Variants in ZNF883 observed in about 807,000 individuals in gnomAD.
The protein encoded by ZNF883 is zinc finger protein 883.
chr9:113,003,137 C>T (rs1487826060), upstream of ZNF883, among the ~76,000 whole-genome samples: 3 of 152,198 alleles, frequency 2.0e-5, no homozygotes, highest in East Asian at 1.9e-4. Context: ...ATTGTCCCCA[C>T]ACGTCAAGGA....
chr9:112,990,477 G>C (rs1398906878), intron 1 of ZNF883, among the ~76,000 whole-genome samples: 1 of 152,160 alleles, frequency 6.6e-6, no homozygotes, highest in Non-Finnish European at 1.5e-5. Context: ...TTTGATATTA[G>C]TGGATAAGCA....
At chr9:112,996,788 C>G (rs1292198801), downstream of ZNF883, among the ~76,000 whole-genome samples, 2 of 36,288 alleles carry the variant, frequency 5.5e-5, no homozygotes, top group Non-Finnish European at 8.9e-5. Context: ...GAGACTCCGT[C>G]TCAAAAAAAA....
intron 1 of ZNF883, among the ~76,000 whole-genome samples, chr9:112,991,785 T>A (rs1281427216): frequency 6.6e-6 from 1 of 152,214 alleles, no homozygotes; most frequent in Admixed American, 6.5e-5. Context: ...GCATATATAT[T>A]TAGAATAGTT....
chr9:112,992,009 A>G (rs1166215992), intron 1 of ZNF883, among the ~76,000 whole-genome samples: 2 of 152,210 alleles, frequency 1.3e-5, no homozygotes, highest in Non-Finnish European at 2.9e-5. Context: ...AATACAACAC[A>G]CTGATAGGTC....
chr9:112,995,718 G>GT (rs1201441434), downstream of ZNF883, among the ~76,000 whole-genome samples: 1 of 151,872 alleles, frequency 6.6e-6, no homozygotes, highest in Non-Finnish European at 1.5e-5. Context: ...ATAGGTTTTT[G>GT]TTTATTAATG....
In ZNF883 at chr9:113,008,053, C is replaced by A. The variant is rs1828496105; in HGVS notation, n.165+3088G>T. On this transcript the variant is annotated intron_variant and non_coding_transcript_variant, in intron 2 of 4. Transcript: ENST00000638622. Reference sequence around the variant, plus strand: ...AAAGGGCAATGAGCCATTCAAATGACCCTGAGTCCTTCTAAAGACATAAAT... The same window carrying A: ...AAAGGGCAATGAGCCATTCAAATGAACCTGAGTCCTTCTAAAGACATAAAT... Among the ~76,000 whole-genome samples the A allele has an allele frequency of 4.4e-5, 6 of 137,152 alleles. No homozygotes were observed. The South Asian group carries it at 1.3e-3, about 29-fold the overall frequency. The allele number at this position is 137,152 out of a possible 152,430, so 90.0% of individuals were successfully genotyped here. A position where few individuals can be genotyped will look rare whatever the true frequency, so the allele number is the denominator to read the frequency against.
At chr9:112,994,247 C>G (rs1828328220), downstream of ZNF883, among the ~76,000 whole-genome samples, 1 of 152,130 alleles carries the variant, frequency 6.6e-6, no homozygotes, top group Admixed American at 6.5e-5. Flanking sequence ...GTGGTAGCTC[C>G]CTTTGCCTTG....
chr9:113,003,923 C>T (rs983805401), intron 2 of ZNF883, among the ~76,000 whole-genome samples: 2 of 143,018 alleles, frequency 1.4e-5, no homozygotes, highest in African/African-American at 2.7e-5. Context: ...TGAATTGTGT[C>T]CCTCCAAAAA....
chr9:113,004,298 TTTATA>T (rs1420112386), intron 2 of ZNF883, among the ~76,000 whole-genome samples: 1 of 152,212 alleles, frequency 6.6e-6, no homozygotes, highest in East Asian at 1.9e-4. Flanking sequence ...AGATAATAAA[TTTATA>T]TTGTTTTAAG....
downstream of ZNF883, among the ~76,000 whole-genome samples, chr9:112,996,789 TCAAA>T (rs1828359518): frequency 2.5e-4 from 7 of 28,298 alleles, no homozygotes; most frequent in South Asian, 1.0e-3. Flanking sequence ...AGACTCCGTC[TCAAA>T]AAAAAAAAAA....
At chr9:112,994,169 G>A (rs1828327498), downstream of ZNF883, among the ~76,000 whole-genome samples, 1 of 152,216 alleles carries the variant, frequency 6.6e-6, no homozygotes, top group African/African-American at 2.4e-5. Context: ...GGGTTGCACA[G>A]ATCCATGGAA....
At chr9:112,996,739 C>T (rs1190545283), downstream of ZNF883, among the ~76,000 whole-genome samples, 5 of 122,792 alleles carry the variant, frequency 4.1e-5, no homozygotes, top group East Asian at 2.5e-4. Context: ...TGCAGTGAGC[C>T]GAGATCGCGC....
intron 2 of ZNF883, among the ~76,000 whole-genome samples, chr9:113,004,096 GAC>G (rs990030123): frequency 2.6e-5 from 4 of 152,316 alleles, no homozygotes; most frequent in Middle Eastern, 3.4e-3. Flanking sequence ...AAGACCCACA[GAC>G]ACACACACAG....
At chr9:112,996,261 C>CAT (rs143570469), downstream of ZNF883, among the ~76,000 whole-genome samples, 3,700 of 152,088 alleles carry the variant, frequency 0.024, 83 homozygotes, top group East Asian at 0.13. Flanking sequence ...TCTTTGTAAC[C>CAT]ATATATATAG....
At chr9:112,997,447 T>C (rs1828373502) in exon 1 of ZNF883, 4 of 1,613,994 alleles carry the variant, frequency 2.5e-6, no homozygotes, top group South Asian at 2.2e-5. Flanking sequence ...TGAAGGTTTT[T>C]CCACATTCTT....
At chr9:113,010,384 G>A (rs762793492) in intron 2 of ZNF883, among the ~76,000 whole-genome samples, 1 of 152,170 alleles carries the variant, frequency 6.6e-6, no homozygotes, top group Non-Finnish European at 1.5e-5. Context: ...CAGCCCTCTC[G>A]TAAGTGAGCA....
At chr9:112,997,192 A>G (rs1389823553) in exon 1 of ZNF883, 4 of 1,613,670 alleles carry the variant, frequency 2.5e-6, no homozygotes, top group East Asian at 4.5e-5. Flanking sequence ...GACAAAAGAC[A>G]TCACCACACT....
intron 1 of ZNF883, among the ~76,000 whole-genome samples, chr9:112,991,475 G>GA (rs137866897): frequency 0.29 from 44,728 of 151,636 alleles, 7,472 homozygotes; most frequent in African/African-American, 0.45. Context: ...CAGTTCTTCT[G>GA]CATTTACTGA....
upstream of ZNF883, among the ~76,000 whole-genome samples, chr9:112,999,454 C>A (rs988813175): frequency 6.6e-6 from 1 of 152,078 alleles, no homozygotes; most frequent in Non-Finnish European, 1.5e-5. Flanking sequence ...TACTCTAATT[C>A]CAACACTACC....
Sources: gnomAD v4.1 joint callset for allele counts (sites outside exome capture counted in the v4.1 genomes callset) on GRCh38, gnomAD v4.1.1 for gene constraint, MANE v1.5 for transcripts, NCBI Gene and HGNC (gene_info 2026-07-23, HGNC 2026-07-21) for gene names.